Variants in PLEKHD1 observed in about 807,000 individuals in gnomAD.
The protein encoded by PLEKHD1 is pleckstrin homology domain-containing family D member 1.
In PLEKHD1, 51 loss-of-function variants were observed where a neutral mutation model predicts 69.2. That is an observed-to-expected ratio of 0.74 (90% CI 0.59 to 0.93). The LOEUF (loss-of-function observed/expected upper bound fraction) is 0.93. Among genes scored for constraint, PLEKHD1 ranks in the 40% least tolerant of loss-of-function variants. The pLI is 0.00. For missense variants in PLEKHD1, 584 were observed against 641.0 expected (o/e 0.91, Z 0.96); for synonymous variants, 236 against 244.7 (o/e 0.96, Z 0.33).
At position 69,500,930 on chromosome 14, in the gene PLEKHD1, G is replaced by C; in HGVS notation, c.393G>C (p.Leu131=). 1 of 1,551,598 alleles carries C rather than the reference G, an allele frequency of 6.4e-7. No individual in the cohort carries two copies. ...EFEQTQWLEM[L]QESGKVTWKN... ...AGCAGACCCAGTGGCTGGAGATGCTGCAGGAGTCTGGGAAGGTGTAAGTGC... is the reference window on the plus strand; with the variant it reads ...AGCAGACCCAGTGGCTGGAGATGCTCCAGGAGTCTGGGAAGGTGTAAGTGC... Residue 131 remains leucine (L), a synonymous_variant, in exon 4 of 13, where the codon CTG becomes CTC. Transcript: ENST00000322564.
At chr14:69,476,998 A>T in the PLEKHD1 span, among the ~76,000 whole-genome samples, 3 of 51,584 alleles carry the variant, frequency 5.8e-5, no homozygotes, top group African/African-American at 2.2e-4. Context: ...CCTTTATTTT[A>T]TTTATTTATT....
intron 6 of PLEKHD1, among the ~76,000 whole-genome samples, chr14:69,505,286 G>A (rs1883125699): frequency 6.6e-6 from 1 of 152,192 alleles, no homozygotes; most frequent in Admixed American, 6.5e-5. Flanking sequence ...TAGAGCTCAG[G>A]TTCTAGTCTT....
chr14:69,519,947 A>T (rs1883473058), intron 6 of PLEKHD1, among the ~76,000 whole-genome samples: 1 of 152,088 alleles, frequency 6.6e-6, no homozygotes, highest in Admixed American at 6.5e-5. Flanking sequence ...GGATCACCCG[A>T]GGTCAGGAGT....
chr14:69,523,140 C>T (rs551719511), intron 7 of PLEKHD1, among the ~76,000 whole-genome samples: 2 of 152,266 alleles, frequency 1.3e-5, no homozygotes, highest in East Asian at 3.9e-4. Context: ...GCCATGTTGG[C>T]CAGACTGGTC....
At chr14:69,498,031 T>G (rs914082214) in intron 1 of PLEKHD1, among the ~76,000 whole-genome samples, 4 of 148,074 alleles carry the variant, frequency 2.7e-5, no homozygotes, top group African/African-American at 1.0e-4. Flanking sequence ...TATTTTATTT[T>G]GTTTTATTTT....
At chr14:69,498,576 G>A (rs1467977937) in intron 1 of PLEKHD1, among the ~76,000 whole-genome samples, 1 of 117,994 alleles carries the variant, frequency 8.5e-6, no homozygotes, top group Non-Finnish European at 1.9e-5. Flanking sequence ...CACCAGCAAG[G>A]TTTCTTTTTG....
At chr14:69,470,317 G>A in the PLEKHD1 span, among the ~76,000 whole-genome samples, 1,292 of 151,894 alleles carry the variant, frequency 8.5e-3, 23 homozygotes, top group African/African-American at 0.028. Flanking sequence ...ACAAAAATTA[G>A]CCAGGCGTAG....
chr14:69,509,461 T>C (rs529527917), intron 6 of PLEKHD1, among the ~76,000 whole-genome samples: 1 of 152,364 alleles, frequency 6.6e-6, no homozygotes, highest in South Asian at 2.1e-4. Flanking sequence ...AAAAATCTTT[T>C]TGTAGACATC....
upstream of PLEKHD1, among the ~76,000 whole-genome samples, chr14:69,481,961 A>G (rs571069662): frequency 4.6e-5 from 7 of 152,316 alleles, no homozygotes; most frequent in African/African-American, 1.7e-4. Flanking sequence ...CAGCTGAGGT[A>G]GAGAACACAA....
chr14:69,519,537 G>GAAGGAAGGGAATTCCAGTCATTCC (rs1883461612), intron 6 of PLEKHD1, among the ~76,000 whole-genome samples: 1 of 152,166 alleles, frequency 6.6e-6, no homozygotes, highest in Admixed American at 6.5e-5. Context: ...GACTACTGGG[G>GAAGGAAGGGAATTCCAGTCATTCC]AAGGAAGGGA....
At chr14:69,514,064 G>A (rs187336060) in intron 6 of PLEKHD1, among the ~76,000 whole-genome samples, 12 of 151,858 alleles carry the variant, frequency 7.9e-5, no homozygotes, top group Admixed American at 7.9e-4. Flanking sequence ...TCTAGATATG[G>A]TTTGTTTAGG....
chr14:69,470,589 TAAAG>T, the PLEKHD1 span, among the ~76,000 whole-genome samples: 1 of 152,112 alleles, frequency 6.6e-6, no homozygotes, highest in Non-Finnish European at 1.5e-5. Context: ...GAAGAATGTA[TAAAG>T]AAAGAGGCAA....
chr14:69,501,891 T>C (rs931208860), intron 5 of PLEKHD1, 66 bp downstream of exon 5: 8 of 1,381,328 alleles, frequency 5.8e-6, no homozygotes. Context: ...AGCCAGGGGC[T>C]TGGTAAAGGA....
At position 69,524,224 on chromosome 14, in the gene PLEKHD1, C is replaced by T; in HGVS notation, c.651-5C>T. 6.5e-7 allele frequency: 1 copy of T among 1,549,768 alleles called. No individual in the cohort carries two copies. Among genetic ancestry groups the T allele is most frequent in the Non-Finnish European group, 8.7e-7 (1 of 1,145,338 alleles). On this transcript the variant is annotated splice_region_variant and splice_polypyrimidine_tract_variant and intron_variant, in intron 7 of 12. Transcript: ENST00000322564. ...ACTGCCATACCCAGCCCTCTGTCTC[C>T]ACAGGGAGCTGGAACTGACTGCAAG...
At chr14:69,511,638 C>T (rs1483721423) in intron 6 of PLEKHD1, among the ~76,000 whole-genome samples, 1 of 152,150 alleles carries the variant, frequency 6.6e-6, no homozygotes, top group Non-Finnish European at 1.5e-5. Flanking sequence ...CAACCTCCTC[C>T]TGCCAGGTTC....
the PLEKHD1 span, among the ~76,000 whole-genome samples, chr14:69,472,452 A>G: frequency 2.0e-5 from 3 of 152,002 alleles, no homozygotes; most frequent in East Asian, 5.8e-4. Context: ...CCCCACCCCC[A>G]TGTTCTGTAT....
intron 8 of PLEKHD1, among the ~76,000 whole-genome samples, chr14:69,525,695 G>A (rs79789574): frequency 0.035 from 5,288 of 152,218 alleles, 229 homozygotes; most frequent in African/African-American, 0.1. Flanking sequence ...ATGCGACCCC[G>A]TTCTAGTAGG....
Position 69,502,895 on chromosome 14 carries a change from G to A in PLEKHD1, c.555+16G>A, listed in dbSNP as rs576328152. The A allele has an allele frequency of 1.8e-4, 276 of 1,551,596 alleles. 4 individuals carry two copies. In the South Asian group the frequency reaches 2.6e-3, roughly 15 times the overall value. On this transcript the variant is annotated intron_variant, in intron 6 of 12. Coordinates refer to ENST00000322564, the MANE Select transcript of PLEKHD1 (RefSeq NM_001161498.2). Reference sequence around the variant, plus strand: ...GCAGAGAGAGGTAGGTGCACACCAAGGGGCTCTCAGCAGCCGTGGTGTAAT... The same window carrying A: ...GCAGAGAGAGGTAGGTGCACACCAAAGGGCTCTCAGCAGCCGTGGTGTAAT...
intron 1 of PLEKHD1, among the ~76,000 whole-genome samples, chr14:69,498,267 C>T (rs905302713): frequency 6.6e-6 from 1 of 151,592 alleles, no homozygotes; most frequent in African/African-American, 2.4e-5. Flanking sequence ...TTAGTAGAGA[C>T]AGAGTTTTAC....
Sources: gnomAD v4.1 joint callset for allele counts (sites outside exome capture counted in the v4.1 genomes callset) on GRCh38, gnomAD v4.1.1 for gene constraint, MANE v1.5 for transcripts, NCBI Gene and HGNC (gene_info 2026-07-23, HGNC 2026-07-21) for gene names.